Variants in ANKRD13C observed in about 807,000 individuals in gnomAD.
ANKRD13C encodes the protein ankyrin repeat domain-containing protein 13C.
In ANKRD13C, 16 loss-of-function variants were observed where a neutral mutation model predicts 65.5. The observed-to-expected ratio is 0.24, with a 90% confidence interval of 0.17 to 0.37. The LOEUF is 0.37. Ranked by LOEUF, ANKRD13C falls within the 10% of genes least tolerant of loss-of-function variation. The probability of loss-of-function intolerance (pLI) is 1.00; values close to 1 mark genes in which losing one functional copy is unlikely to be tolerated. For missense variants in ANKRD13C, 503 were observed against 655.9 expected (o/e 0.77, Z 2.55); for synonymous variants, 235 against 238.7 (o/e 0.98, Z 0.14).
chr1:70,305,887 A>G (rs962135828), intron 6 of ANKRD13C: 1 of 154,974 alleles, frequency 6.5e-6, no homozygotes, highest in Non-Finnish European at 1.4e-5. Flanking sequence ...TAAATCCAGG[A>G]TCAGGAAGGT....
chr1:70,354,648 A>C lies in ANKRD13C; in HGVS notation c.-240T>G. ...GAACTCAGGTGCCCACGACACCAGG[A>C]TCTCAGTCTCGCCGTCGCAGCCGCC... On this transcript the variant is annotated 5_prime_UTR_variant, in exon 1 of 13. Coordinates refer to ENST00000370944, the MANE Select transcript of ANKRD13C (RefSeq NM_030816.5). 1.0e-6 allele frequency: 1 copy of C among 980,526 alleles called. No homozygotes were observed. Among genetic ancestry groups the C allele is most frequent in the East Asian group, 2.6e-5 (1 of 37,802 alleles). 60.7% of individuals were successfully genotyped at this position (980,526 alleles called of 1,614,324 possible).
chr1:70,351,577 T>C (rs1015914093), intron 1 of ANKRD13C, among the ~76,000 whole-genome samples: 5 of 152,130 alleles, frequency 3.3e-5, no homozygotes, highest in African/African-American at 1.2e-4. Flanking sequence ...TTTTCATATT[T>C]TCAGTAGAGA....
At chr1:70,305,613 T>C (rs1231499091) in intron 6 of ANKRD13C, 1 of 152,146 alleles carries the variant, frequency 6.6e-6, no homozygotes, top group East Asian at 1.9e-4. Flanking sequence ...TTTATAAATA[T>C]GGCTATATTA....
At chr1:70,302,476 CAGCA>C (rs1391992285) in intron 6 of ANKRD13C, among the ~76,000 whole-genome samples, 1 of 110,674 alleles carries the variant, frequency 9.0e-6, no homozygotes, top group Non-Finnish European at 1.8e-5. Flanking sequence ...CCTGTAATCC[CAGCA>C]CTTTGGGAGG....
intron 1 of ANKRD13C, among the ~76,000 whole-genome samples, chr1:70,348,514 G>A (rs1019260562): frequency 5.9e-5 from 9 of 152,234 alleles, no homozygotes; most frequent in South Asian, 2.1e-4. Flanking sequence ...TGATCCACCC[G>A]CCTTGGCCTC....
At chr1:70,294,482 C>T (rs1000487478) in intron 8 of ANKRD13C, among the ~76,000 whole-genome samples, 1 of 152,108 alleles carries the variant, frequency 6.6e-6, no homozygotes, top group South Asian at 2.1e-4. Flanking sequence ...GAGCTAATTA[C>T]CCTACATAAT....
At chr1:70,346,544 C>A (rs1682533220) in intron 1 of ANKRD13C, among the ~76,000 whole-genome samples, 1 of 152,110 alleles carries the variant, frequency 6.6e-6, no homozygotes, top group African/African-American at 2.4e-5. Flanking sequence ...ATTGCAAGTA[C>A]TAGTACAGAG....
chr1:70,273,278 C>T (rs190604108), intron 11 of ANKRD13C, among the ~76,000 whole-genome samples: 9 of 152,040 alleles, frequency 5.9e-5, no homozygotes, highest in East Asian at 1.9e-4. Context: ...TGTATTAGGC[C>T]GTTAAAAAAA....
chr1:70,286,078 G>A (rs1247144995), intron 9 of ANKRD13C, among the ~76,000 whole-genome samples: 1 of 151,752 alleles, frequency 6.6e-6, no homozygotes, highest in African/African-American at 2.4e-5. Context: ...CTGTGTCTAA[G>A]AGAAAAAACA....
At chr1:70,282,426 AGTT>A (rs995381428) in intron 9 of ANKRD13C, among the ~76,000 whole-genome samples, 1 of 152,190 alleles carries the variant, frequency 6.6e-6, no homozygotes, top group African/African-American at 2.4e-5. Context: ...AAAGAAAAAA[AGTT>A]GTCTGGGATT....
intron 9 of ANKRD13C, among the ~76,000 whole-genome samples, chr1:70,285,414 C>G (rs984710604): frequency 6.6e-6 from 1 of 151,788 alleles, no homozygotes; most frequent in East Asian, 1.9e-4. Flanking sequence ...AGGCTGGTCT[C>G]GAATTCCTGA....
intron 1 of ANKRD13C, among the ~76,000 whole-genome samples, chr1:70,350,027 T>C (rs1682682334): frequency 6.6e-6 from 1 of 152,126 alleles, no homozygotes; most frequent in African/African-American, 2.4e-5. Context: ...CCTGTAGTCC[T>C]AGCTTCTCAG....
chr1:70,349,168 G>T (rs1682645709), intron 1 of ANKRD13C, among the ~76,000 whole-genome samples: 1 of 152,120 alleles, frequency 6.6e-6, no homozygotes, highest in Admixed American at 6.5e-5. Flanking sequence ...AAAATGTCTT[G>T]TCATCATGAT....
At chr1:70,281,236 T>C (rs1193503463) in intron 9 of ANKRD13C, among the ~76,000 whole-genome samples, 1 of 152,098 alleles carries the variant, frequency 6.6e-6, no homozygotes, top group Non-Finnish European at 1.5e-5. Flanking sequence ...TACTCACTGA[T>C]GAGATGTCAG....
chr1:70,337,767 T>C (rs1682107712), intron 1 of ANKRD13C, among the ~76,000 whole-genome samples: 1 of 152,028 alleles, frequency 6.6e-6, no homozygotes, highest in Non-Finnish European at 1.5e-5. Flanking sequence ...CAAATTTCCA[T>C]TGGTACTTAG....
chr1:70,353,520 C>T (rs1231429428), intron 1 of ANKRD13C, among the ~76,000 whole-genome samples: 1 of 152,042 alleles, frequency 6.6e-6, no homozygotes, highest in African/African-American at 2.4e-5. Context: ...TGGTGGCAGG[C>T]AAAATCACAA....
At chr1:70,313,462 C>T (rs1261419198) in intron 5 of ANKRD13C, among the ~76,000 whole-genome samples, 1 of 148,594 alleles carries the variant, frequency 6.7e-6, no homozygotes, top group Non-Finnish European at 1.5e-5. Context: ...CCCAGGGGTT[C>T]GAGGCTGTAG....
chr1:70,289,528 G>A (rs565173166), intron 9 of ANKRD13C, among the ~76,000 whole-genome samples: 4 of 151,586 alleles, frequency 2.6e-5, no homozygotes, highest in East Asian at 1.9e-4. Flanking sequence ...GCAGTGGCAC[G>A]ATCTCCGCTC....
chr1:70,346,317 TTTAAAAA>T (rs1682524225), intron 1 of ANKRD13C, among the ~76,000 whole-genome samples: 1 of 152,180 alleles, frequency 6.6e-6, no homozygotes, highest in African/African-American at 2.4e-5. Flanking sequence ...TGTTTTAATT[TTTAAAAA>T]TTAAAAATTA....
Sources: allele counts gnomAD v4.1 joint callset (sites outside exome capture counted in the v4.1 genomes callset), GRCh38; gene constraint gnomAD v4.1.1; transcripts MANE v1.5; gene names NCBI Gene and HGNC (gene_info 2026-07-23, HGNC 2026-07-21).